Variants in ACTR8 observed in about 807,000 individuals in gnomAD.
ACTR8 encodes the protein actin-related protein 8.
In ACTR8, 70 loss-of-function variants were observed where a neutral mutation model predicts 84.3. That is an observed-to-expected ratio of 0.83 (90% CI 0.68 to 1.01). ACTR8 has a LOEUF of 1.01. Ranked by LOEUF, ACTR8 falls within the 50% of genes least tolerant of loss-of-function variation. The probability of loss-of-function intolerance (pLI) is 0.00; values close to 1 mark genes in which losing one functional copy is unlikely to be tolerated. For synonymous variants in ACTR8, 268 were observed against 275.2 expected, an observed-to-expected ratio of 0.97 and a Z score of 0.26; for missense variants, 672 against 775.4, an observed-to-expected ratio of 0.87 and a Z score of 1.58.
At position 53,872,511 on chromosome 3, in the gene ACTR8, A is replaced by G; in HGVS notation, c.1175T>C (p.Leu392Ser). The part of the protein sequence containing the change: ...GDEKLQAPMA[L>S]FYPATFGIVG... ...GATTCCAAAAGTTGCGGGGTAAAACAAAGCCATTGGAGCCTGTACATGAAG... is the reference window on the plus strand; with the variant it reads ...GATTCCAAAAGTTGCGGGGTAAAACGAAGCCATTGGAGCCTGTACATGAAG... Residue 392 changes from leucine (L) to serine (S), a missense_variant, in exon 10 of 13, where the codon TTG becomes TCG. Physicochemically the swap from Leu to Ser is moderately radical, Grantham distance 145. Transcript: ENST00000335754. 1 of 1,608,108 alleles carries G rather than the reference A, an allele frequency of 6.2e-7. No homozygotes were observed. The highest frequency in any genetic ancestry group is 1.1e-5 in the South Asian group (1 of 90,052).
intron 8 of ACTR8, among the ~76,000 whole-genome samples, chr3:53,873,888 A>G (rs1205825440): frequency 1.3e-5 from 2 of 152,162 alleles, no homozygotes; most frequent in Non-Finnish European, 2.9e-5. Context: ...GCAGTGGTGC[A>G]ATCTCGGCTC....
chr3:53,873,133 T>G lies in ACTR8; in HGVS notation c.1066-6A>C. 1 of 1,601,784 alleles carries G rather than the reference T, an allele frequency of 6.2e-7. No individual in the cohort carries two copies. Among genetic ancestry groups the G allele is most frequent in the Middle Eastern group, 1.7e-4 (1 of 6,042 alleles). On this transcript the variant is annotated splice_region_variant and splice_polypyrimidine_tract_variant and intron_variant, in intron 8 of 12. Coordinates refer to ENST00000335754, the MANE Select transcript of ACTR8 (RefSeq NM_022899.5). ...TCCTGAAGCCCAGAGATGTCCTGAT[T>G]CCAGGAAAAGATGCTGTCAGTGAAT...
At chr3:53,873,763 T>G (rs1035399477) in intron 8 of ACTR8, among the ~76,000 whole-genome samples, 2 of 152,178 alleles carry the variant, frequency 1.3e-5, no homozygotes, top group Non-Finnish European at 2.9e-5. Context: ...CTTAAGGGCT[T>G]TCACCTGCAG....
In ACTR8 at chr3:53,868,804, G is replaced by A. The variant is rs1559790116; in HGVS notation, c.1790C>T (p.Thr597Ile). The change falls in exon 13 of 13, where the codon ACA (threonine) becomes ATA (isoleucine). Residue 597 changes from threonine (T) to isoleucine (I), a missense_variant. Physicochemically the swap from Thr to Ile is moderately conservative, Grantham distance 89 (BLOSUM62 -1). Transcript: ENST00000335754. ...KGGAVLACLDTTQELWIYQRE... is the reference protein window; with the variant it reads ...KGGAVLACLDITQELWIYQRE... Reference sequence around the variant, plus strand: ...CTGATAAATCCACAGTTCCTGTGTTGTATCCAAACAAGCCAACACTGCCCC... The same window carrying A: ...CTGATAAATCCACAGTTCCTGTGTTATATCCAAACAAGCCAACACTGCCCC... 1 of 1,614,198 alleles carries A rather than the reference G, an allele frequency of 6.2e-7. No individual in the cohort carries two copies. Among genetic ancestry groups the A allele is most frequent in the South Asian group, 1.1e-5 (1 of 91,084 alleles).
chr3:53,861,551 AAGGCATATCTGT>A, the ACTR8 span: 4 of 152,242 alleles, frequency 2.6e-5, no homozygotes, highest in African/African-American at 9.6e-5. Context: ...TGCTGTAAGA[AAGGCATATCTGT>A]AGACTCTAAT....
intron 6 of ACTR8, 71 bp downstream of exon 6, chr3:53,876,549 A>G (rs1699976816): frequency 1.1e-6 from 1 of 878,884 alleles, no homozygotes; most frequent in African/African-American, 1.7e-5. Flanking sequence ...AAGTCAGTAA[A>G]TAAGATTAAC....
intron 3 of ACTR8, among the ~76,000 whole-genome samples, chr3:53,877,992 C>T (rs1410341190): frequency 3.3e-5 from 5 of 152,180 alleles, no homozygotes; most frequent in African/African-American, 7.2e-5. Context: ...TAACACTAAA[C>T]GCTGCTTAAA....
At chr3:53,875,402 T>C (rs1205699441) in intron 7 of ACTR8, among the ~76,000 whole-genome samples, 1 of 152,142 alleles carries the variant, frequency 6.6e-6, no homozygotes, top group Non-Finnish European at 1.5e-5. Context: ...ATTACCTGAG[T>C]GTGCTTACAT....
intron 3 of ACTR8, among the ~76,000 whole-genome samples, chr3:53,877,964 T>A (rs1282073081): frequency 6.6e-6 from 1 of 152,234 alleles, no homozygotes; most frequent in Non-Finnish European, 1.5e-5. Flanking sequence ...AGGCTGTGAT[T>A]CACAGCCAGT....
chr3:53,881,865 C>A, intron 1 of ACTR8, 114 bp downstream of exon 1: 4 of 1,492,914 alleles, frequency 2.7e-6, no homozygotes, highest in Non-Finnish European at 3.6e-6. Flanking sequence ...ACTCCCCCCA[C>A]CAGGGGCTGG....
At chr3:53,859,647 A>C in the ACTR8 span, 1 of 153,142 alleles carries the variant, frequency 6.5e-6, no homozygotes, top group Non-Finnish European at 1.5e-5. Flanking sequence ...GAACCAAAAA[A>C]ACTGGACAGA....
intron 1 of ACTR8, among the ~76,000 whole-genome samples, chr3:53,880,676 A>C (rs1341113868): frequency 6.6e-6 from 1 of 152,222 alleles, no homozygotes; most frequent in African/African-American, 2.4e-5. Context: ...GCCCCTGCTA[A>C]GATCTTCAGT....
Position 53,879,661 on chromosome 3 carries a change from T to C in ACTR8, c.294+278A>G, listed in dbSNP as rs11708867. Among the ~76,000 whole-genome samples the C allele has an allele frequency of 5.1e-3, 770 of 152,358 alleles. 6 individuals are homozygous for C. In the Middle Eastern group the frequency reaches 0.054, roughly 11 times the overall value. ...GCTTAATCCATAAGTTTAAGCCTGT[T>C]AACAAGGACCTGAATGTATTACTGT... On this transcript the variant is annotated intron_variant, in intron 2 of 12. Coordinates refer to ENST00000335754, the MANE Select transcript of ACTR8 (RefSeq NM_022899.5).
At chr3:53,880,201 C>A in intron 1 of ACTR8, 92 bp from the exon 2 acceptor site, 1 of 1,307,296 alleles carries the variant, frequency 7.6e-7, no homozygotes, top group Admixed American at 2.1e-5. Flanking sequence ...AACTAAGAAG[C>A]TGACTCAAAG....
chr3:53,874,538 A>AT (rs1430011825), intron 7 of ACTR8, among the ~76,000 whole-genome samples, 174 bp from the exon 8 acceptor site: 3 of 152,164 alleles, frequency 2.0e-5, no homozygotes, highest in African/African-American at 7.2e-5. Context: ...CAGCTGGCCA[A>AT]TATGGCGAAA....
At chr3:53,862,957 C>T (rs1050547957), downstream of ACTR8, among the ~76,000 whole-genome samples, 1 of 152,206 alleles carries the variant, frequency 6.6e-6, no homozygotes, top group Non-Finnish European at 1.5e-5. Flanking sequence ...TCTGCCACCC[C>T]TAAGTCAGCA....
In ACTR8 at chr3:53,873,044, A is replaced by T; in HGVS notation, c.1149T>A (p.Asp383Glu). 6.2e-7 allele frequency: 1 copy of T among 1,609,728 alleles called. No individual in the cohort carries two copies. Residue 383 changes from aspartate to glutamate, a missense_variant, in exon 9 of 13, where the codon GAT (aspartate) becomes GAA (glutamate). Asp to Glu is a conservative substitution (Grantham distance 45). Coordinates refer to ENST00000335754, the MANE Select transcript of ACTR8 (RefSeq NM_022899.5). ...PALLYQFRLG[D>E]EKLQAPMALF... ...ACCTATAAGTTACCTGCAGTTTTTC[A>T]TCTCCTAATCGAAACTGGTAAAGCA...
chr3:53,872,978 A>G lies in ACTR8; in HGVS notation c.1161+54T>C, dbSNP rs1576863038. The G allele has an allele frequency of 1.2e-5, 16 of 1,367,996 alleles. No individual in the cohort carries two copies. In the East Asian group the frequency reaches 3.8e-4, roughly 33 times the overall value. 84.7% of individuals were successfully genotyped at this position (1,367,996 alleles called of 1,614,324 possible). A position where few individuals can be genotyped will look rare whatever the true frequency, so the allele number is the denominator to read the frequency against. On this transcript the variant is annotated intron_variant, in intron 9 of 12. Transcript: ENST00000335754. ...AGCAAGGGCATATTCTCTCAGTTTG[A>G]TTGAACCTGGATAACTTTCTTTCTA...
chr3:53,865,290 T>C (rs373940786), downstream of ACTR8: 88 of 1,606,144 alleles, frequency 5.5e-5, no homozygotes, highest in Non-Finnish European at 6.8e-5. Flanking sequence ...CCTGCCACGA[T>C]GGCTGCTGCT....
Sources: gnomAD v4.1 joint callset for allele counts (sites outside exome capture counted in the v4.1 genomes callset) on GRCh38, gnomAD v4.1.1 for gene constraint, MANE v1.5 for transcripts, NCBI Gene and HGNC (gene_info 2026-07-23, HGNC 2026-07-21) for gene names.